The following PRPSAP2 variants were observed in gnomAD, a reference collection of about 807,000 sequenced individuals.
The protein encoded by PRPSAP2 is phosphoribosyl pyrophosphate synthase-associated protein 2.
A neutral mutation model predicts 40.6 loss-of-function variants in PRPSAP2; 24 were observed. The observed-to-expected ratio is 0.59, with a 90% CI of 0.43 to 0.83. PRPSAP2 has a LOEUF of 0.83. PRPSAP2 is among the 40% of genes least tolerant of loss of function. PRPSAP2 has a pLI of 0.00. For missense variants in PRPSAP2, 292 were observed against 465.6 expected (o/e 0.63, Z 3.43); for synonymous variants, 149 against 164.7 (o/e 0.90, Z 0.73).
intron 10 of PRPSAP2, among the ~76,000 whole-genome samples, chr17:18,924,994 C>G (rs2041896069): frequency 6.6e-6 from 1 of 152,056 alleles, no homozygotes; most frequent in Admixed American, 6.6e-5. Context: ...TTGGCGCACA[C>G]CTGTAATCCC....
chr17:18,928,930 G>C lies in PRPSAP2; in HGVS notation c.924G>C (p.Arg308=). 1 of 1,613,962 alleles carries C rather than the reference G, an allele frequency of 6.2e-7. No homozygotes were observed. Among genetic ancestry groups the C allele is most frequent in the Non-Finnish European group, 8.5e-7 (1 of 1,179,868 alleles). Residue 308 remains arginine, a synonymous_variant, in exon 11 of 12, where the codon CGG becomes CGC. Coordinates refer to ENST00000268835, the MANE Select transcript of PRPSAP2 (RefSeq NM_002767.4). ...GCTTGTTGTCTTCTGACGCCCCCCG[G>C]CGGATTGAAGAGTCTGCCATTGATG... is the stretch of plus-strand genomic sequence containing the variant. The part of the protein sequence containing the change: ...THGLLSSDAP[R]RIEESAIDEV...
At chr17:18,919,829 C>T (rs1405380171) in intron 9 of PRPSAP2, among the ~76,000 whole-genome samples, 1 of 152,184 alleles carries the variant, frequency 6.6e-6, no homozygotes, top group East Asian at 1.9e-4. Context: ...CTGACTAAAA[C>T]CTGTGCTTTT....
At chr17:18,874,742 G>A (rs757282085) in intron 5 of PRPSAP2, among the ~76,000 whole-genome samples, 69 of 152,282 alleles carry the variant, frequency 4.5e-4, no homozygotes, top group Middle Eastern at 3.4e-3. Context: ...CCTTTCCCAC[G>A]TCTGCCACCA....
At chr17:18,862,739 A>G (rs527343166) in intron 1 of PRPSAP2, among the ~76,000 whole-genome samples, 3 of 152,206 alleles carry the variant, frequency 2.0e-5, no homozygotes, top group African/African-American at 7.2e-5. Flanking sequence ...TGTATTTACA[A>G]CTACAGGAAA....
chr17:18,871,805 C>T (rs2037902321), intron 4 of PRPSAP2, among the ~76,000 whole-genome samples: 1 of 152,050 alleles, frequency 6.6e-6, no homozygotes, highest in Non-Finnish European at 1.5e-5. Context: ...GGATTATAGG[C>T]ATGCACCACC....
At chr17:18,871,188 G>A (rs530740468) in intron 4 of PRPSAP2, among the ~76,000 whole-genome samples, 144 of 151,900 alleles carry the variant, frequency 9.5e-4, no homozygotes, top group Non-Finnish European at 1.8e-3. Flanking sequence ...CCCAGCTAAT[G>A]TTTGTATTTT....
At chr17:18,875,672 G>A (rs1490647397) in intron 5 of PRPSAP2, among the ~76,000 whole-genome samples, 3 of 151,930 alleles carry the variant, frequency 2.0e-5, no homozygotes, top group African/African-American at 7.3e-5. Flanking sequence ...TGGCCAACAT[G>A]GTGAAACCCT....
intron 8 of PRPSAP2, among the ~76,000 whole-genome samples, chr17:18,906,498 GT>G (rs2040594129): frequency 1.3e-5 from 2 of 151,956 alleles, no homozygotes; most frequent in African/African-American, 2.4e-5. Context: ...ACAGGCGTGA[GT>G]CACTGTGCCT....
chr17:18,877,138 TG>T (rs2038358559), intron 5 of PRPSAP2, among the ~76,000 whole-genome samples: 1 of 152,150 alleles, frequency 6.6e-6, no homozygotes, highest in Non-Finnish European at 1.5e-5. Context: ...CAAGTGACCG[TG>T]GACATGGCCG....
At chr17:18,900,406 A>G (rs1216476886) in intron 8 of PRPSAP2, among the ~76,000 whole-genome samples, 1 of 151,922 alleles carries the variant, frequency 6.6e-6, no homozygotes, top group African/African-American at 2.4e-5. Context: ...CATGCTCATA[A>G]TTGCTGCTTG....
intron 4 of PRPSAP2, among the ~76,000 whole-genome samples, chr17:18,868,921 C>CAAA (rs2037637195): frequency 6.6e-6 from 1 of 151,978 alleles, no homozygotes; most frequent in Non-Finnish European, 1.5e-5. Context: ...GATAAAAAGG[C>CAAA]ACAAGTTTTG....
chr17:18,922,474 A>G (rs902833200), intron 9 of PRPSAP2, among the ~76,000 whole-genome samples: 2 of 152,080 alleles, frequency 1.3e-5, no homozygotes, highest in Admixed American at 1.3e-4. Flanking sequence ...TAGCCAGCCC[A>G]GTGGGCATAA....
intron 5 of PRPSAP2, among the ~76,000 whole-genome samples, chr17:18,877,267 G>A (rs751921488): frequency 3.3e-5 from 5 of 152,192 alleles, no homozygotes; most frequent in Non-Finnish European, 5.9e-5. Context: ...GCAGAGGGGA[G>A]AGTGGTTATG....
At chr17:18,927,124 C>T (rs544825942) in intron 10 of PRPSAP2, among the ~76,000 whole-genome samples, 10 of 152,230 alleles carry the variant, frequency 6.6e-5, no homozygotes, top group African/African-American at 2.4e-4. Flanking sequence ...GGCAGAAGGA[C>T]AAAAAGGAAT....
intron 5 of PRPSAP2, among the ~76,000 whole-genome samples, chr17:18,876,769 A>G (rs527488940): frequency 6.6e-6 from 1 of 152,322 alleles, no homozygotes; most frequent in African/African-American, 2.4e-5. Flanking sequence ...ACATTTGAAC[A>G]GAGACTAGAG....
rs537763527 is a variant in PRPSAP2, at chr17:18,889,013, G to A, written c.529-809G>A. 9.2e-5 allele frequency among the ~76,000 whole-genome samples: 14 copies of A among 152,264 alleles called. No individual in the cohort carries two copies. In the East Asian group the frequency reaches 2.5e-3, roughly 27 times the overall value. On this transcript the variant is annotated intron_variant, in intron 7 of 11. Coordinates refer to ENST00000268835, the MANE Select transcript of PRPSAP2 (RefSeq NM_002767.4). ...GGTTTGGTAATGTTTGATGATGTTT[G>A]ATGAGACAAGGAAATACATGAAAAA...
chr17:18,900,385 T>C (rs986197949), intron 8 of PRPSAP2, among the ~76,000 whole-genome samples: 27 of 152,362 alleles, frequency 1.8e-4, no homozygotes, highest in African/African-American at 6.0e-4. Flanking sequence ...CTTCTTGTTT[T>C]TTATTTCACA....
At chr17:18,924,793 C>T (rs2041883318) in intron 10 of PRPSAP2, among the ~76,000 whole-genome samples, 1 of 148,350 alleles carries the variant, frequency 6.7e-6, no homozygotes, top group Non-Finnish European at 1.5e-5. Context: ...AAAAAGTCAT[C>T]CTGTCATAAC....
chr17:18,921,888 A>T (rs1326853176), intron 9 of PRPSAP2, among the ~76,000 whole-genome samples: 1 of 152,232 alleles, frequency 6.6e-6, no homozygotes, highest in African/African-American at 2.4e-5. Context: ...GGCTTTCAGT[A>T]TATTCACAGT....
Sources: allele counts gnomAD v4.1 joint callset (sites outside exome capture counted in the v4.1 genomes callset), GRCh38; gene constraint gnomAD v4.1.1; transcripts MANE v1.5; gene names NCBI Gene and HGNC (gene_info 2026-07-23, HGNC 2026-07-21).